The following ECPAS variants were observed in gnomAD, a reference collection of about 807,000 sequenced individuals.
ECPAS encodes Ecm29 proteasome adaptor and scaffold, also known as proteasome adapter and scaffold protein ECM29.
Under a neutral mutation model 255.1 loss-of-function variants are expected in ECPAS, and 70 were observed. That is an observed-to-expected ratio of 0.27 (90% CI 0.23 to 0.33). ECPAS has a LOEUF of 0.33. Ranked by LOEUF, ECPAS falls within the 10% of genes least tolerant of loss-of-function variation. The pLI, the probability that ECPAS is intolerant of heterozygous loss-of-function variation, is 1.00. For synonymous variants in ECPAS, 784 were observed against 775.0 expected, an observed-to-expected ratio of 1.01 and a Z score of -0.19; for missense variants, 1,817 against 2,206.4, an observed-to-expected ratio of 0.82 and a Z score of 3.54.
At chr9:111,376,619 T>C in intron 36 of ECPAS, 78 bp from the exon 37 acceptor site, 1 of 1,056,002 alleles carries the variant, frequency 9.5e-7, no homozygotes, top group African/African-American at 1.6e-5. Flanking sequence ...TAAAAGACTT[T>C]CACTTCCAAG....
chr9:111,393,743 A>C lies in ECPAS; in HGVS notation c.2923-9T>G, dbSNP rs371302137. On this transcript the variant is annotated splice_polypyrimidine_tract_variant and intron_variant, in intron 26 of 49. Coordinates refer to ENST00000684092, the MANE Select transcript of ECPAS (RefSeq NM_001364929.1). Reference sequence around the variant, plus strand: ...ATTTCTTTAAGATGAGACTGAAAGAAGAAAAAAGGCATTAGAACACTGAAA... The same window carrying C: ...ATTTCTTTAAGATGAGACTGAAAGACGAAAAAAGGCATTAGAACACTGAAA... The C allele has an allele frequency of 8.3e-6, 13 of 1,570,116 alleles. No individual in the cohort carries two copies. The highest frequency in any genetic ancestry group is 1.1e-5 in the Non-Finnish European group (13 of 1,142,686).
intron 2 of ECPAS, among the ~76,000 whole-genome samples, chr9:111,456,754 T>C (rs1478954308): frequency 1.3e-5 from 2 of 152,188 alleles, no homozygotes; most frequent in South Asian, 2.1e-4. Context: ...AGTCAAGCAC[T>C]CATTCTCCTA....
chr9:111,393,127 C>T (rs1428934812), intron 27 of ECPAS, among the ~76,000 whole-genome samples: 2 of 152,192 alleles, frequency 1.3e-5, no homozygotes, highest in African/African-American at 2.4e-5. Context: ...CTAGACAATA[C>T]TGATGGACCT....
intron 2 of ECPAS, among the ~76,000 whole-genome samples, chr9:111,461,933 A>C (rs1395785784): frequency 1.3e-5 from 2 of 152,100 alleles, no homozygotes; most frequent in Non-Finnish European, 2.9e-5. Flanking sequence ...ATCTCCTAAG[A>C]CCCACTCGCT....
intron 7 of ECPAS, among the ~76,000 whole-genome samples, chr9:111,435,749 G>C (rs1200764389): frequency 6.8e-6 from 1 of 147,912 alleles, no homozygotes; most frequent in Non-Finnish European, 1.5e-5. Context: ...GCACGATCTC[G>C]GCGCACTGCA....
At chr9:111,373,695 C>T (rs1351916092) in intron 39 of ECPAS, among the ~76,000 whole-genome samples, 3 of 152,128 alleles carry the variant, frequency 2.0e-5, no homozygotes, top group Admixed American at 1.3e-4. Context: ...GATGTAAAAT[C>T]AGCTATCAAT....
chr9:111,419,847 T>A (rs1315599408), intron 16 of ECPAS, among the ~76,000 whole-genome samples, 170 bp downstream of exon 16: 1 of 150,434 alleles, frequency 6.6e-6, no homozygotes, highest in African/African-American at 2.4e-5. Context: ...TATTACTATA[T>A]AAATATATAG....
At chr9:111,443,696 G>T (rs1377449469) in intron 4 of ECPAS, among the ~76,000 whole-genome samples, 2 of 152,102 alleles carry the variant, frequency 1.3e-5, no homozygotes, top group East Asian at 3.9e-4. Flanking sequence ...AACAGACATG[G>T]ACAAAATGAC....
At chr9:111,421,409 ATG>A (rs71372622) in intron 15 of ECPAS, among the ~76,000 whole-genome samples, 38,316 of 143,042 alleles carry the variant, frequency 0.27, 5,299 homozygotes, top group Non-Finnish European at 0.35. Context: ...TATTACATAT[ATG>A]TGTGTGTGTG....
At chr9:111,384,165 T>C (rs2098144175) in intron 34 of ECPAS, among the ~76,000 whole-genome samples, 1 of 152,150 alleles carries the variant, frequency 6.6e-6, no homozygotes, top group Non-Finnish European at 1.5e-5. Context: ...GGGAGATAAT[T>C]TAGTTTCAAA....
chr9:111,481,333 C>A (rs373092078), intron 1 of ECPAS, among the ~76,000 whole-genome samples: 2 of 151,856 alleles, frequency 1.3e-5, no homozygotes, highest in African/African-American at 4.8e-5. Context: ...AGTGAAACCC[C>A]GTCTCTACTA....
At chr9:111,452,714 T>G (rs1020594314) in intron 2 of ECPAS, among the ~76,000 whole-genome samples, 1 of 152,152 alleles carries the variant, frequency 6.6e-6, no homozygotes, top group African/African-American at 2.4e-5. Context: ...GAGACGTAGA[T>G]AGATACATGG....
intron 23 of ECPAS, 94 bp downstream of exon 23, chr9:111,409,947 G>A (rs2098191297): frequency 2.8e-5 from 25 of 897,602 alleles, no homozygotes; most frequent in South Asian, 2.3e-4. Flanking sequence ...TCCTCCAGCT[G>A]TAATGCCATC....
chr9:111,423,531 T>G (rs1253773089), intron 12 of ECPAS, among the ~76,000 whole-genome samples: 3 of 152,214 alleles, frequency 2.0e-5, no homozygotes, highest in African/African-American at 7.2e-5. Context: ...TATGAAAGGT[T>G]TCTCTTAGCT....
At chr9:111,470,397 C>CCGT (rs2098285766) in intron 2 of ECPAS, among the ~76,000 whole-genome samples, 1 of 151,992 alleles carries the variant, frequency 6.6e-6, no homozygotes, top group South Asian at 2.1e-4. Flanking sequence ...CACAACCTCC[C>CCGT]CGTCCCGGGT....
In ECPAS at chr9:111,365,345, T is replaced by C. The variant is rs552618439; in HGVS notation, c.5308+894A>G. Among the ~76,000 whole-genome samples, 6 of 151,130 alleles carry C rather than the reference T, an allele frequency of 4.0e-5. No homozygotes were observed. In the East Asian group the frequency reaches 5.9e-4, roughly 15 times the overall value. On this transcript the variant is annotated intron_variant, in intron 48 of 49. Transcript: ENST00000684092. ...TCATCACCTGGACTGGATTCCCTAA[T>C]GGAGGGGAGGGGGAAAAAATCCTAT...
At chr9:111,442,119 C>G (rs1453965349) in intron 5 of ECPAS, among the ~76,000 whole-genome samples, 187 bp downstream of exon 5, 1 of 152,172 alleles carries the variant, frequency 6.6e-6, no homozygotes, top group Non-Finnish European at 1.5e-5. Context: ...ATGTTCACAT[C>G]AAGAAATTTT....
chr9:111,481,576 A>T (rs1363759274), intron 1 of ECPAS, among the ~76,000 whole-genome samples: 1 of 152,184 alleles, frequency 6.6e-6, no homozygotes, highest in Non-Finnish European at 1.5e-5. Flanking sequence ...CTATCACATG[A>T]TCCAGCAATT....
chr9:111,415,720 A>G (rs2098202411), intron 18 of ECPAS, among the ~76,000 whole-genome samples: 1 of 151,746 alleles, frequency 6.6e-6, no homozygotes, highest in East Asian at 1.9e-4. Context: ...AAAAAAACCA[A>G]ACAAACAAAA....
Sources: allele counts gnomAD v4.1 joint callset (sites outside exome capture counted in the v4.1 genomes callset), GRCh38; gene constraint gnomAD v4.1.1; transcripts MANE v1.5; gene names NCBI Gene and HGNC (gene_info 2026-07-23, HGNC 2026-07-21).